The following STK10 variants were observed in gnomAD, a reference collection of about 807,000 sequenced individuals.
STK10 encodes serine/threonine-protein kinase 10.
A neutral mutation model predicts 113.8 loss-of-function variants in STK10; 78 were observed. The ratio of observed to expected loss-of-function variants is 0.69; its 90% CI spans 0.57 to 0.83. STK10 has a LOEUF of 0.83. Ranked by LOEUF, STK10 falls within the 40% of genes least tolerant of loss-of-function variation. STK10 has a pLI of 0.00. For missense variants in STK10, 1,109 were observed against 1,280.1 expected (o/e 0.87, Z 2.04); for synonymous variants, 465 against 494.7 (o/e 0.94, Z 0.80).
intron 7 of STK10, among the ~76,000 whole-genome samples, chr5:172,101,258 G>T (rs1020483075): frequency 8.6e-5 from 13 of 151,922 alleles, no homozygotes; most frequent in Non-Finnish European, 1.9e-4. Context: ...ATCTCCCCAG[G>T]TCAGGAGTTC....
chr5:172,047,898 G>GT (rs1272269466), intron 18 of STK10, among the ~76,000 whole-genome samples: 27 of 129,246 alleles, frequency 2.1e-4, no homozygotes, highest in African/African-American at 8.1e-4. Context: ...ATGTTTTTTG[G>GT]GTTTTTTTTT....
rs1768860627 is a variant in STK10 at position 172,096,573 on chromosome 5, G to T, written c.871-13C>A. 6.2e-7 allele frequency: 1 copy of T among 1,612,066 alleles called. No homozygotes were observed. On this transcript the variant is annotated splice_polypyrimidine_tract_variant and intron_variant, in intron 7 of 18. Coordinates refer to ENST00000176763, the MANE Select transcript of STK10 (RefSeq NM_005990.4). Reference sequence around the variant, plus strand: ...TGACGAAGGGATGCTGAGGGGGCAAGATGCACCCAGATTAGAACCACTCTG... The same window carrying T: ...TGACGAAGGGATGCTGAGGGGGCAATATGCACCCAGATTAGAACCACTCTG...
At chr5:172,145,491 G>A (rs763264041) in intron 2 of STK10, among the ~76,000 whole-genome samples, 6 of 152,244 alleles carry the variant, frequency 3.9e-5, no homozygotes, top group Non-Finnish European at 7.3e-5. Context: ...CAGAGCACGC[G>A]CTGGCCCGCT....
At chr5:172,072,709 C>A (rs1309732541) in intron 12 of STK10, among the ~76,000 whole-genome samples, 3 of 152,208 alleles carry the variant, frequency 2.0e-5, no homozygotes, top group Non-Finnish European at 4.4e-5. Flanking sequence ...AAATGGGGAA[C>A]AAGGCAAAGA....
chr5:172,161,576 C>G (rs1432200117), intron 1 of STK10, among the ~76,000 whole-genome samples: 1 of 152,184 alleles, frequency 6.6e-6, no homozygotes, highest in African/African-American at 2.4e-5. Flanking sequence ...GCTGCAAAGT[C>G]CCCAGGATCC....
At chr5:172,059,951 C>A (rs879936227) in intron 14 of STK10, among the ~76,000 whole-genome samples, 2 of 152,210 alleles carry the variant, frequency 1.3e-5, no homozygotes, top group African/African-American at 4.8e-5. Flanking sequence ...ATTAACTGTG[C>A]AACCTCAGTG....
At chr5:172,131,557 A>G (rs1353757680) in intron 2 of STK10, among the ~76,000 whole-genome samples, 1 of 151,500 alleles carries the variant, frequency 6.6e-6, no homozygotes, top group East Asian at 1.9e-4. Flanking sequence ...TTATTTATTT[A>G]TTTTTTTGCC....
intron 12 of STK10, among the ~76,000 whole-genome samples, chr5:172,067,371 GAATAAATA>G (rs59853296): frequency 0.058 from 8,482 of 147,058 alleles, 523 homozygotes; most frequent in African/African-American, 0.15. Context: ...TAAATAAATA[GAATAAATA>G]AATAAATAAA....
chr5:172,087,430 A>ATG (rs1768590750), intron 10 of STK10, among the ~76,000 whole-genome samples: 1 of 148,226 alleles, frequency 6.7e-6, no homozygotes, highest in Non-Finnish European at 1.5e-5. Flanking sequence ...GCCGGCCACC[A>ATG]CAGCTGGCTA....
At chr5:172,174,872 G>A (rs1387223215) in intron 1 of STK10, among the ~76,000 whole-genome samples, 1 of 152,148 alleles carries the variant, frequency 6.6e-6, no homozygotes, top group Non-Finnish European at 1.5e-5. Flanking sequence ...CCACCACCCT[G>A]CACCACCTGA....
chr5:172,053,051 G>A lies in STK10; in HGVS notation c.2653-9C>T, dbSNP rs4569891. 0.59 allele frequency: 957,434 copies of A among 1,611,936 alleles called. 288,868 individuals carry two copies. The highest frequency in any genetic ancestry group is 0.76 in the East Asian group (33,983 of 44,862). On this transcript the variant is annotated splice_polypyrimidine_tract_variant and intron_variant, in intron 17 of 18. Coordinates refer to ENST00000176763, the MANE Select transcript of STK10 (RefSeq NM_005990.4). ...AGGTGGCACTTTTCATTCTGGAACA[G>A]ATTCCAGGCAGAACAGGTGAGAAAT...
intron 14 of STK10, among the ~76,000 whole-genome samples, 191 bp downstream of exon 14, chr5:172,060,948 T>A (rs566637970): frequency 1.8e-4 from 28 of 152,224 alleles, no homozygotes; most frequent in Non-Finnish European, 2.6e-4. Flanking sequence ...ATAGTCTTGG[T>A]GACAACTGGT....
intron 10 of STK10, 44 bp downstream of exon 10, chr5:172,090,188 A>T: frequency 6.2e-7 from 1 of 1,608,768 alleles, no homozygotes; most frequent in South Asian, 1.1e-5. Flanking sequence ...CTCTTACCAT[A>T]GCCCCACCCT....
At chr5:172,055,999 T>G (rs1350937773) in intron 15 of STK10, among the ~76,000 whole-genome samples, 1 of 152,234 alleles carries the variant, frequency 6.6e-6, no homozygotes, top group Non-Finnish European at 1.5e-5. Context: ...ACCTTCTAAA[T>G]GCCTTTTCAT....
Position 172,138,037 on chromosome 5 carries a change from C to T in STK10, c.322-10616G>A, listed in dbSNP as rs758503017. On this transcript the variant is annotated intron_variant, in intron 2 of 18. Coordinates refer to ENST00000176763, the MANE Select transcript of STK10 (RefSeq NM_005990.4). ...GCCCACGCTCACCACTCCTATACAA[C>T]ATAGCACTGAGAGTCCTAGCCAGTG... Among the ~76,000 whole-genome samples the T allele has an allele frequency of 5.9e-5, 9 of 152,104 alleles. 1 individual carries two copies. Among genetic ancestry groups the T allele is most frequent in the Non-Finnish European group, 8.8e-5 (6 of 68,034 alleles).
At chr5:172,182,738 G>A (rs983184546) in intron 1 of STK10, among the ~76,000 whole-genome samples, 1 of 151,868 alleles carries the variant, frequency 6.6e-6, no homozygotes, top group Non-Finnish European at 1.5e-5. Context: ...ATTTTCCGTA[G>A]AGACGGGGTT....
chr5:172,102,339 T>C (rs1469735178), intron 7 of STK10, among the ~76,000 whole-genome samples: 1 of 151,652 alleles, frequency 6.6e-6, no homozygotes. Flanking sequence ...ACTGGAAGGG[T>C]GGAGCTGCCA....
At chr5:172,127,590 C>A (rs576881991) in intron 2 of STK10, among the ~76,000 whole-genome samples, 169 bp from the exon 3 acceptor site, 1 of 152,326 alleles carries the variant, frequency 6.6e-6, no homozygotes, top group Admixed American at 6.5e-5. Context: ...CCCCAGTGGG[C>A]CTCAAACCTC....
intron 1 of STK10, among the ~76,000 whole-genome samples, chr5:172,161,367 C>T (rs751043884): frequency 1.6e-4 from 24 of 151,792 alleles, no homozygotes; most frequent in African/African-American, 2.4e-4. Flanking sequence ...GCAGGAGAAT[C>T]GCTTGAACCC....
Sources: gnomAD v4.1 joint callset for allele counts (sites outside exome capture counted in the v4.1 genomes callset) on GRCh38, gnomAD v4.1.1 for gene constraint, MANE v1.5 for transcripts, NCBI Gene and HGNC (gene_info 2026-07-23, HGNC 2026-07-21) for gene names.